The following SIRT1 variants were observed in gnomAD, a reference collection of about 807,000 sequenced individuals.
SIRT1 encodes the protein NAD-dependent protein deacetylase sirtuin-1.
SIRT1 carries 24 observed loss-of-function variants against 67.9 expected under a neutral mutation model. That is an observed-to-expected ratio of 0.35 (90% CI 0.26 to 0.50). The LOEUF (loss-of-function observed/expected upper bound fraction) is 0.50. Ranked by LOEUF, SIRT1 falls within the 20% of genes least tolerant of loss-of-function variation. SIRT1 has a pLI of 0.98. For synonymous variants in SIRT1, 378 were observed against 350.7 expected, an observed-to-expected ratio of 1.08 and a Z score of -0.87; for missense variants, 873 against 937.2, an observed-to-expected ratio of 0.93 and a Z score of 0.89.
intron 8 of SIRT1, among the ~76,000 whole-genome samples, chr10:67,913,889 A>T (rs1842937777): frequency 6.6e-6 from 1 of 152,128 alleles, no homozygotes; most frequent in African/African-American, 2.4e-5. Context: ...CAGTTGAATA[A>T]ACCTTTGGCC....
chr10:67,907,016 C>T (rs1589080957), intron 5 of SIRT1, 79 bp downstream of exon 5: 3 of 1,216,396 alleles, frequency 2.5e-6, no homozygotes, highest in East Asian at 2.9e-5. Flanking sequence ...TGACTGCCAT[C>T]GAGAAGTGGA....
chr10:67,898,111 TTAGA>T (rs1842687100), intron 4 of SIRT1, among the ~76,000 whole-genome samples: 1 of 150,406 alleles, frequency 6.6e-6, no homozygotes, highest in African/African-American at 2.4e-5. Context: ...AATACAAAAA[TTAGA>T]TGGATGTGGT....
rs753051332 is a variant in SIRT1, at chr10:67,912,503, T to C, written c.1387T>C (p.Leu463=). 1.2e-6 allele frequency: 2 copies of C among 1,611,532 alleles called. No homozygotes were observed. Among genetic ancestry groups the C allele is most frequent in the African/African-American group, 1.3e-5 (1 of 74,724 alleles). ...CATACCCCATGAAGTGCCTCAGATA[T>C]TAATTAATAGAGAACCTTTGCCTCA... ...SSIPHEVPQI[L]INREPLPHLH... The change falls in exon 8 of 9, where the codon TTA becomes CTA. Residue 463 remains leucine, a synonymous_variant. Transcript: ENST00000212015.
rs1564886152 is a variant in SIRT1, at chr10:67,895,730, C to CTTT, written c.942+4178_942+4179insTTT. Among the ~76,000 whole-genome samples, 13 of 94,050 alleles carry CTTT rather than the reference C, an allele frequency of 1.4e-4. 1 individual carries two copies. The highest frequency in any genetic ancestry group is 5.3e-4 in the Admixed American group (4 of 7,516). 61.7% of individuals were successfully genotyped at this position (94,050 alleles called of 152,430 possible). A position where few individuals can be genotyped will look rare whatever the true frequency, so the allele number is the denominator to read the frequency against. ...ATTGTATGTGATTATTGAGAATTAACTTGTTTTTTTTTTTTTTGTTTTTTT... is the reference window on the plus strand; with the variant it reads ...ATTGTATGTGATTATTGAGAATTAACTTTTTGTTTTTTTTTTTTTTGTTTTTTT... On this transcript the variant is annotated intron_variant, in intron 4 of 8. Coordinates refer to ENST00000212015, the MANE Select transcript of SIRT1 (RefSeq NM_012238.5).
At position 67,886,877 on chromosome 10, in the gene SIRT1, C is replaced by CT. The variant is rs549398107; in HGVS notation, c.431-531dup. ...ATCTTTTCTTTTTTTTTTTCCTTTT[C>CT]TTTTTTTTTAAAAGGTGGAGTTTCG... On this transcript the variant is annotated intron_variant, in intron 1 of 8. Transcript: ENST00000212015. 1.9e-3 allele frequency among the ~76,000 whole-genome samples: 261 copies of CT among 140,714 alleles called. 1 individual carries two copies. Among genetic ancestry groups the CT allele is most frequent in the African/African-American group, 6.2e-3 (237 of 38,276 alleles). 92.3% of individuals were successfully genotyped at this position (140,714 alleles called of 152,430 possible).
chr10:67,916,216 G>GA, intron 8 of SIRT1, 49 bp from the exon 9 acceptor site: 4 of 1,499,736 alleles, frequency 2.7e-6, no homozygotes, highest in Non-Finnish European at 3.7e-6. Context: ...TGCTCAGACT[G>GA]AGTTAGTGTT....
At chr10:67,885,242 C>G in intron 1 of SIRT1, 91 bp downstream of exon 1, 2 of 1,257,152 alleles carry the variant, frequency 1.6e-6, no homozygotes, top group Non-Finnish European at 2.0e-6. Context: ...GCTGGGGGCT[C>G]GGGGCAGGCT....
intron 8 of SIRT1, among the ~76,000 whole-genome samples, chr10:67,914,240 TC>T (rs1272104546): frequency 6.6e-6 from 1 of 151,870 alleles, no homozygotes; most frequent in Non-Finnish European, 1.5e-5. Flanking sequence ...CTCGGCTGAT[TC>T]TTGTATTTTT....
chr10:67,917,637 T>G lies in SIRT1; in HGVS notation c.*1044T>G, dbSNP rs2029963090. 1 of 152,644 alleles carries G rather than the reference T, an allele frequency of 6.6e-6. No homozygotes were observed. Among genetic ancestry groups the G allele is most frequent in the South Asian group, 2.1e-4 (1 of 4,836 alleles). The allele number at this position is 152,644 out of a possible 1,614,324, so 9.5% of individuals were successfully genotyped here. On this transcript the variant is annotated 3_prime_UTR_variant, in exon 9 of 9. Transcript: ENST00000212015. ...TTCCAAAGTAATAAGATGTTAATTG[T>G]AATTCAGCCAGAAAGTACATGTCTC...
chr10:67,895,735 T>TTG (rs1842645541), intron 4 of SIRT1, among the ~76,000 whole-genome samples: 1 of 78,456 alleles, frequency 1.3e-5, no homozygotes, highest in African/African-American at 5.1e-5. Flanking sequence ...ATTAACTTGT[T>TTG]TTTTTTTTTT....
intron 6 of SIRT1, 77 bp from the exon 7 acceptor site, chr10:67,909,179 G>A (rs1367268856): frequency 1.3e-5 from 12 of 922,424 alleles, no homozygotes; most frequent in East Asian, 2.5e-5. Context: ...ATTCTTAGAG[G>A]TATGGAAATG....
intron 5 of SIRT1, among the ~76,000 whole-genome samples, chr10:67,907,490 CA>C (rs373037115): frequency 3.9e-4 from 42 of 109,006 alleles, no homozygotes; most frequent in East Asian, 1.3e-3. Context: ...GAGACTCTGT[CA>C]AAAAAAAAAA....
At chr10:67,888,812 A>G (rs1842526177) in intron 2 of SIRT1, 70 bp from the exon 3 acceptor site, 10 of 1,516,358 alleles carry the variant, frequency 6.6e-6, no homozygotes, top group Non-Finnish European at 8.9e-6. Flanking sequence ...CTAACTCATT[A>G]CTTCAGAAAA....
At chr10:67,893,768 C>T (rs1270991616) in intron 4 of SIRT1, among the ~76,000 whole-genome samples, 1 of 152,180 alleles carries the variant, frequency 6.6e-6, no homozygotes, top group Non-Finnish European at 1.5e-5. Context: ...TGGTCTTGAA[C>T]TCCTGACCTT....
chr10:67,912,659 C>G lies in SIRT1; in HGVS notation c.1543C>G (p.Pro515Ala). Residue 515 changes from proline to alanine, a missense_variant, in exon 8 of 9, where the codon CCA becomes GCA. Pro to Ala is a conservative substitution (Grantham distance 27, BLOSUM62 -1). Coordinates refer to ENST00000212015, the MANE Select transcript of SIRT1 (RefSeq NM_012238.5). ...GCTTTCAGAAATTACTGAAAAACCT[C>G]CACGAACACAAAAAGAATTGGCTTA... ...VKLSEITEKP[P>A]RTQKELAYLS... is the part of the protein sequence containing the mutation. 6.2e-7 allele frequency: 1 copy of G among 1,614,112 alleles called. No individual in the cohort carries two copies. Among genetic ancestry groups the G allele is most frequent in the Non-Finnish European group, 8.5e-7 (1 of 1,180,032 alleles).
intron 6 of SIRT1, among the ~76,000 whole-genome samples, chr10:67,908,729 C>G (rs372275522): frequency 6.6e-6 from 1 of 152,104 alleles, no homozygotes; most frequent in Non-Finnish European, 1.5e-5. Flanking sequence ...TGGCAAAACC[C>G]CGTCTCTCTT....
In SIRT1 at chr10:67,916,187, C is replaced by A; in HGVS notation, c.1916-78C>A. On this transcript the variant is annotated intron_variant, in intron 8 of 8. Coordinates refer to ENST00000212015, the MANE Select transcript of SIRT1 (RefSeq NM_012238.5). ...ACTTATAATAAAGGCAGAGCTGGAA[C>A]CCACACTTCATTCCAGACTGCTCAG... 5 of 1,261,304 alleles carry A rather than the reference C, an allele frequency of 4.0e-6. 1 individual carries two copies. In the South Asian group the frequency reaches 7.4e-5, roughly 19 times the overall value. The allele number at this position is 1,261,304 out of a possible 1,614,324, so 78.1% of individuals were successfully genotyped here.
rs571283345 is a variant in SIRT1, at chr10:67,892,731, A to T, written c.942+1177A>T. ...ATTCTCCTGCCTCAGCATCCTGAGT[A>T]GCTGGGATTACAGGCGCCCGCTACC... is the stretch of plus-strand genomic sequence containing the variant. On this transcript the variant is annotated intron_variant, in intron 4 of 8. Transcript: ENST00000212015. Among the ~76,000 whole-genome samples, 3 of 151,944 alleles carry T rather than the reference A, an allele frequency of 2.0e-5. No homozygotes were observed. In the East Asian group the frequency reaches 5.8e-4, roughly 29 times the overall value.
chr10:67,916,271 A>G lies in SIRT1; in HGVS notation c.1922A>G (p.Gln641Arg), dbSNP rs766102594. 1.3e-6 allele frequency: 2 copies of G among 1,595,894 alleles called. No homozygotes were observed. Among genetic ancestry groups the G allele is most frequent in the South Asian group, 1.1e-5 (1 of 90,332 alleles). ...TTTTATTACTGTATTTCAGGTAATC[A>G]GTATCTGTTTTTGCCACCAAATCGT... ...EQISRRLDGN[Q>R]YLFLPPNRYI... is the part of the protein sequence containing the mutation. The change falls in exon 9 of 9, where the codon CAG becomes CGG. Residue 641 changes from glutamine (Q) to arginine (R), a missense_variant. Gln to Arg is a conservative substitution (Grantham distance 43, BLOSUM62 1). This residue lies in a region of SIRT1 where 295 missense variants were observed against 294.5 expected (regional missense o/e 1.00). Coordinates refer to ENST00000212015, the MANE Select transcript of SIRT1 (RefSeq NM_012238.5).
Sources: gnomAD v4.1 joint callset for allele counts (sites outside exome capture counted in the v4.1 genomes callset) on GRCh38, gnomAD v4.1.1 for gene constraint, gnomAD v4.1.1 regional missense constraint, MANE v1.5 for transcripts, NCBI Gene and HGNC (gene_info 2026-07-23, HGNC 2026-07-21) for gene names.